The following OSBPL8 variants were observed in gnomAD, a reference collection of about 807,000 sequenced individuals.
OSBPL8 encodes oxysterol binding protein like 8.
A neutral mutation model predicts 125.5 loss-of-function variants in OSBPL8; 59 were observed. That is an observed-to-expected ratio of 0.47 (90% CI 0.38 to 0.58). The LOEUF is 0.58. OSBPL8 is among the 20% of genes least tolerant of loss of function. The probability of loss-of-function intolerance (pLI) is 0.00; values close to 1 mark genes in which losing one functional copy is unlikely to be tolerated. For synonymous variants in OSBPL8, 330 were observed against 338.9 expected, an observed-to-expected ratio of 0.97 and a Z score of 0.29; for missense variants, 758 against 1,047.8, an observed-to-expected ratio of 0.72 and a Z score of 3.82.
In OSBPL8 at chr12:76,398,093, T is replaced by C. The variant is rs76093449; in HGVS notation, c.469-196A>G. ...GGCTCTTATTTCTAAGAAACTTAAATTTTAGTGGGAGACAGGCCAACAGTT... is the reference window on the plus strand; with the variant it reads ...GGCTCTTATTTCTAAGAAACTTAAACTTTAGTGGGAGACAGGCCAACAGTT... On this transcript the variant is annotated intron_variant, in intron 7 of 23. Transcript: ENST00000261183. Among the ~76,000 whole-genome samples, 238 of 152,242 alleles carry C rather than the reference T, an allele frequency of 1.6e-3. 1 individual carries two copies. Among genetic ancestry groups the C allele is most frequent in the African/African-American group, 5.6e-3 (233 of 41,548 alleles).
Position 76,424,553 on chromosome 12 carries a change from G to GC in OSBPL8, c.218-13920dup. 1.3e-5 allele frequency among the ~76,000 whole-genome samples: 2 copies of GC among 152,266 alleles called. 1 individual carries two copies. Among genetic ancestry groups the GC allele is most frequent in the Middle Eastern group, 6.8e-3 (2 of 294 alleles). On this transcript the variant is annotated intron_variant, in intron 4 of 23. Coordinates refer to ENST00000261183, the MANE Select transcript of OSBPL8 (RefSeq NM_020841.5). ...AAAGGCATAAAGAACATCACAAACA[G>GC]CATTATGCTAGTATAATAGTTAAGC...
intron 4 of OSBPL8, among the ~76,000 whole-genome samples, chr12:76,443,754 C>G (rs115014228): frequency 0.011 from 1,611 of 152,184 alleles, 38 homozygotes; most frequent in African/African-American, 0.037. Context: ...TTATCTGCCC[C>G]CCTTGGCCTC....
intron 9 of OSBPL8, 107 bp from the exon 10 acceptor site, chr12:76,392,859 A>G: frequency 8.8e-7 from 1 of 1,132,606 alleles, no homozygotes; most frequent in Non-Finnish European, 1.2e-6. Context: ...ATGCACTGGA[A>G]AAGTTAATCT....
intron 1 of OSBPL8, among the ~76,000 whole-genome samples, chr12:76,515,377 C>T (rs1288842395): frequency 6.6e-6 from 1 of 152,146 alleles, no homozygotes; most frequent in African/African-American, 2.4e-5. Flanking sequence ...ATCTTTATTT[C>T]ATGGAAGCTG....
At chr12:76,460,079 C>G (rs1178189298) in intron 2 of OSBPL8, among the ~76,000 whole-genome samples, 184 bp from the exon 3 acceptor site, 1 of 152,060 alleles carries the variant, frequency 6.6e-6, no homozygotes, top group Non-Finnish European at 1.5e-5. Context: ...TCCTTTTCCA[C>G]ACACAAAAAA....
At chr12:76,407,674 T>G (rs1954329111) in intron 5 of OSBPL8, among the ~76,000 whole-genome samples, 2 of 152,156 alleles carry the variant, frequency 1.3e-5, no homozygotes, top group Non-Finnish European at 2.9e-5. Context: ...ATATGATGAG[T>G]ATAATTTTAC....
chr12:76,355,852 G>T lies in OSBPL8; in HGVS notation c.*37C>A, dbSNP rs2136112636. 6.2e-7 allele frequency: 1 copy of T among 1,600,938 alleles called. No homozygotes were observed. The highest frequency in any genetic ancestry group is 2.2e-5 in the East Asian group (1 of 44,674). ...TGAACACTGGTCCCAGGCCAAATCA[G>T]ATCTTTCTAGTTCACTGATTCAATG... On this transcript the variant is annotated 3_prime_UTR_variant, in exon 24 of 24. Transcript: ENST00000261183.
intron 2 of OSBPL8, among the ~76,000 whole-genome samples, chr12:76,474,584 T>C (rs572396400): frequency 1.3e-5 from 2 of 152,226 alleles, no homozygotes; most frequent in South Asian, 4.1e-4. Flanking sequence ...AGGGCTCTAG[T>C]GATCCTCCCA....
chr12:76,396,636 C>T lies in OSBPL8; in HGVS notation c.672+1058G>A, dbSNP rs7961497. ...GAGCATGGTGATACGTGCCTGGGGT[C>T]CTAGCTACTTGGGGGGCTGCGGTGG... On this transcript the variant is annotated intron_variant, in intron 8 of 23. Transcript: ENST00000261183. 4.2e-3 allele frequency among the ~76,000 whole-genome samples: 646 copies of T among 152,118 alleles called. 6 individuals are homozygous for T. Among genetic ancestry groups the T allele is most frequent in the African/African-American group, 0.014 (590 of 41,518 alleles).
chr12:76,356,319 T>C (rs1565818493), intron 23 of OSBPL8, among the ~76,000 whole-genome samples: 1 of 152,142 alleles, frequency 6.6e-6, no homozygotes, highest in Non-Finnish European at 1.5e-5. Context: ...CTTTGTTAAC[T>C]GACTTTCTCA....
At chr12:76,443,218 A>G (rs1471253810) in intron 4 of OSBPL8, among the ~76,000 whole-genome samples, 2 of 152,190 alleles carry the variant, frequency 1.3e-5, no homozygotes, top group Non-Finnish European at 2.9e-5. Context: ...TAGTAAAGCA[A>G]TATTATATAT....
chr12:76,510,314 G>T (rs1475778193), intron 1 of OSBPL8, among the ~76,000 whole-genome samples: 3 of 152,126 alleles, frequency 2.0e-5, no homozygotes, highest in African/African-American at 7.2e-5. Flanking sequence ...AGGTTTTCTT[G>T]ATCTATTGTT....
chr12:76,499,354 T>TATCTATCTATC (rs1565947369), intron 1 of OSBPL8, among the ~76,000 whole-genome samples: 7 of 121,640 alleles, frequency 5.8e-5, no homozygotes, highest in Non-Finnish European at 7.4e-5. Flanking sequence ...ATCTATCATC[T>TATCTATCTATC]ATCTATCTAT....
chr12:76,433,292 G>A (rs566790615), intron 4 of OSBPL8, among the ~76,000 whole-genome samples: 27 of 152,206 alleles, frequency 1.8e-4, no homozygotes, highest in African/African-American at 6.5e-4. Context: ...AACTCTCCCT[G>A]TTTGCAGATG....
At chr12:76,356,754 G>T (rs1372172168) in intron 22 of OSBPL8, 26 bp from the exon 23 acceptor site, 2 of 1,458,026 alleles carry the variant, frequency 1.4e-6, no homozygotes, top group Non-Finnish European at 1.9e-6. Flanking sequence ...GAATGAAGTT[G>T]AAACTATAAA....
At chr12:76,369,881 ATAGAATAGG>A in intron 19 of OSBPL8, 59 bp from the exon 20 acceptor site, 1 of 1,458,700 alleles carries the variant, frequency 6.9e-7, no homozygotes, top group African/African-American at 1.4e-5. Flanking sequence ...TAAAATCTAT[ATAGAATAGG>A]CCTCAAATCC....
In OSBPL8 at chr12:76,515,478, G is replaced by A. The variant is rs548704393; in HGVS notation, c.-67-27860C>T. Among the ~76,000 whole-genome samples the A allele has an allele frequency of 2.0e-5, 3 of 152,286 alleles. No individual in the cohort carries two copies. In the South Asian group the frequency reaches 6.2e-4, roughly 32 times the overall value. On this transcript the variant is annotated intron_variant, in intron 1 of 23. Transcript: ENST00000261183. Reference sequence around the variant, plus strand: ...GCGATCCAGCAGGTGGCACTCAGGTGTACTGGTCAGTTGGTAGAATCTTGC... The same window carrying A: ...GCGATCCAGCAGGTGGCACTCAGGTATACTGGTCAGTTGGTAGAATCTTGC...
intron 4 of OSBPL8, among the ~76,000 whole-genome samples, chr12:76,438,950 T>C (rs1032493882): frequency 5.3e-5 from 8 of 152,228 alleles, no homozygotes; most frequent in East Asian, 1.9e-4. Flanking sequence ...GCTTCTCATA[T>C]AAAAGCCTGA....
chr12:76,507,785 T>C (rs7964028), intron 1 of OSBPL8, among the ~76,000 whole-genome samples: 57,924 of 151,150 alleles, frequency 0.38, 11,991 homozygotes, highest in Non-Finnish European at 0.46. Context: ...GATCATGCCA[T>C]TGCTCTTCAG....
Sources: gnomAD v4.1 joint callset for allele counts (sites outside exome capture counted in the v4.1 genomes callset) on GRCh38, gnomAD v4.1.1 for gene constraint, MANE v1.5 for transcripts, NCBI Gene and HGNC (gene_info 2026-07-23, HGNC 2026-07-21) for gene names.